The following PHIP variants were observed in gnomAD, a reference collection of about 807,000 sequenced individuals.
PHIP encodes the protein PHIP subunit of CUL4-Ring ligase complex.
A neutral mutation model predicts 236.8 loss-of-function variants in PHIP; 54 were observed. The ratio of observed to expected loss-of-function variants is 0.23; its 90% CI spans 0.18 to 0.29. The LOEUF is 0.29. Ranked by LOEUF, PHIP falls within the 10% of genes least tolerant of loss-of-function variation. The pLI, the probability that PHIP is intolerant of heterozygous loss-of-function variation, is 1.00. For synonymous variants in PHIP, 756 were observed against 718.9 expected (o/e 1.05, Z -0.83); for missense variants, 1,370 against 2,190.8 (o/e 0.63, Z 7.48).
intron 6 of PHIP, among the ~76,000 whole-genome samples, chr6:79,057,430 G>A (rs1048813853): frequency 2.0e-5 from 3 of 152,010 alleles, no homozygotes; most frequent in Non-Finnish European, 2.9e-5. Flanking sequence ...TAACATTTGG[G>A]GAAACTGCAT....
At chr6:78,944,747 A>C (rs542205088) in intron 39 of PHIP, among the ~76,000 whole-genome samples, 222 of 152,336 alleles carry the variant, frequency 1.5e-3, no homozygotes, top group Middle Eastern at 3.4e-3. Flanking sequence ...GTCATGATGC[A>C]AAATGCTTAT....
intron 15 of PHIP, among the ~76,000 whole-genome samples, chr6:79,012,761 G>T (rs1256290276): frequency 6.6e-6 from 1 of 151,616 alleles, no homozygotes; most frequent in East Asian, 1.9e-4. Context: ...TTTCTTAATA[G>T]CAATGCTGGA....
chr6:78,973,301 A>C (rs1767755738), intron 24 of PHIP, among the ~76,000 whole-genome samples: 1 of 151,284 alleles, frequency 6.6e-6, no homozygotes, highest in Non-Finnish European at 1.5e-5. Flanking sequence ...AAGGAGAAAT[A>C]AAATACTTTA....
At chr6:78,994,301 G>A (rs1769469164) in intron 19 of PHIP, among the ~76,000 whole-genome samples, 1 of 152,224 alleles carries the variant, frequency 6.6e-6, no homozygotes, top group Non-Finnish European at 1.5e-5. Flanking sequence ...AACTTGGCCA[G>A]GCGCGGTGGC....
intron 9 of PHIP, 104 bp downstream of exon 9, chr6:79,025,415 A>G (rs889565476): frequency 3.2e-5 from 21 of 648,536 alleles, no homozygotes; most frequent in Non-Finnish European, 5.5e-5. Context: ...TATTTACTCA[A>G]GGAGAAAAAG....
chr6:78,975,819 G>A (rs888258997), intron 24 of PHIP, among the ~76,000 whole-genome samples: 34 of 150,106 alleles, frequency 2.3e-4, no homozygotes, highest in African/African-American at 8.3e-4. Flanking sequence ...ACTTACAAGG[G>A]ATGTGAAGGA....
chr6:78,986,915 G>A (rs1768901294), intron 21 of PHIP, among the ~76,000 whole-genome samples: 1 of 150,460 alleles, frequency 6.6e-6, no homozygotes, highest in Admixed American at 6.7e-5. Flanking sequence ...CACATTTTGT[G>A]TGTTACTTCC....
At chr6:78,965,815 A>T in intron 28 of PHIP, 51 bp from the exon 29 acceptor site, 7 of 1,208,638 alleles carry the variant, frequency 5.8e-6, no homozygotes, top group Non-Finnish European at 8.4e-6. Context: ...ATTGTATCAC[A>T]ATTTTAATAA....
At position 78,935,180 on chromosome 6, in the gene PHIP, T is replaced by C. The variant is rs1773224264; in HGVS notation, c.*5513A>G. ...ATACTAGGTATTGTTATTAGCAGACTTCATAAAGAAAAGGTTATCAGGAAT... is the reference window on the plus strand; with the variant it reads ...ATACTAGGTATTGTTATTAGCAGACCTCATAAAGAAAAGGTTATCAGGAAT... On this transcript the variant is annotated 3_prime_UTR_variant, in exon 40 of 40. Transcript: ENST00000275034. Among the ~76,000 whole-genome samples the C allele has an allele frequency of 6.6e-6, 1 of 152,162 alleles. No homozygotes were observed. The highest frequency in any genetic ancestry group is 2.4e-5 in the African/African-American group (1 of 41,422).
rs114843300 is a variant in PHIP, at chr6:78,978,259, A to C, written c.2889+333T>G. On this transcript the variant is annotated intron_variant, in intron 24 of 39. Coordinates refer to ENST00000275034, the MANE Select transcript of PHIP (RefSeq NM_017934.7). ...AATTGCTAAATTTCATTTTTCCTTT[A>C]ACATGTTATACATTAAGCCTTAAGA... Among the ~76,000 whole-genome samples, 1,309 of 152,228 alleles carry C rather than the reference A, an allele frequency of 8.6e-3. 22 individuals carry two copies. The highest frequency in any genetic ancestry group is 0.029 in the African/African-American group (1,219 of 41,574).
chr6:78,963,084 T>C lies in PHIP; in HGVS notation c.3535+13A>G, dbSNP rs1290765857. ...TGCCAGTTTTTTCTATACTCGCGTG[T>C]TGCTTTACTTACCTAGTGTCATCAA... On this transcript the variant is annotated intron_variant, in intron 30 of 39. Coordinates refer to ENST00000275034, the MANE Select transcript of PHIP (RefSeq NM_017934.7). The C allele has an allele frequency of 4.5e-6, 7 of 1,570,696 alleles. No homozygotes were observed. The highest frequency in any genetic ancestry group is 4.3e-6 in the Non-Finnish European group (5 of 1,161,986).
At position 78,954,389 on chromosome 6, in the gene PHIP, A is replaced by G. The variant is rs566010767; in HGVS notation, c.4053+425T>C. On this transcript the variant is annotated intron_variant, in intron 35 of 39. Transcript: ENST00000275034. Reference sequence around the variant, plus strand: ...CCAAAGTGCTGGGATTACTGGCATGAGCCACCGTGCCCAGCCTAAAAACTA... The same window carrying G: ...CCAAAGTGCTGGGATTACTGGCATGGGCCACCGTGCCCAGCCTAAAAACTA... 5.9e-5 allele frequency among the ~76,000 whole-genome samples: 9 copies of G among 152,256 alleles called. No homozygotes were observed. The South Asian group carries it at 1.2e-3, about 21-fold the overall frequency.
rs141875737 is a variant in PHIP at position 78,944,328 on chromosome 6, C to T, written c.4828+972G>A. ...CAAGGAAGTGTTTTCTCTGTGTGTA[C>T]GTACACACATCCACATGTGCTAGAG... On this transcript the variant is annotated intron_variant, in intron 39 of 39. Coordinates refer to ENST00000275034, the MANE Select transcript of PHIP (RefSeq NM_017934.7). 2.0e-4 allele frequency among the ~76,000 whole-genome samples: 31 copies of T among 152,214 alleles called. No homozygotes were observed. The East Asian group carries it at 5.4e-3, about 27-fold the overall frequency.
chr6:79,051,133 C>T (rs959378370), intron 6 of PHIP, among the ~76,000 whole-genome samples: 1 of 152,074 alleles, frequency 6.6e-6, no homozygotes, highest in Non-Finnish European at 1.5e-5. Context: ...GTAATGACAA[C>T]CAAATACTCA....
chr6:79,046,557 TAACA>T (rs1772495958), intron 6 of PHIP, among the ~76,000 whole-genome samples: 1 of 152,142 alleles, frequency 6.6e-6, no homozygotes, highest in Admixed American at 6.6e-5. Flanking sequence ...GTTGGTGAAT[TAACA>T]AATAAATTAC....
intron 4 of PHIP, among the ~76,000 whole-genome samples, chr6:79,065,444 T>C (rs1222878989): frequency 6.6e-6 from 1 of 152,120 alleles, no homozygotes; most frequent in Non-Finnish European, 1.5e-5. Flanking sequence ...CACATGGCCT[T>C]CTTTCAGGTT....
chr6:79,017,145 T>C (rs1210747191), intron 12 of PHIP, among the ~76,000 whole-genome samples: 2 of 151,980 alleles, frequency 1.3e-5, no homozygotes. Flanking sequence ...TTACTAAAAG[T>C]GTCCAAGTAT....
chr6:79,044,202 T>A (rs979252181), intron 6 of PHIP, among the ~76,000 whole-genome samples: 1 of 152,128 alleles, frequency 6.6e-6, no homozygotes, highest in Non-Finnish European at 1.5e-5. Context: ...TATGCTTATA[T>A]GTTCTTTCAT....
At chr6:78,981,438 C>T (rs1295871689) in intron 23 of PHIP, among the ~76,000 whole-genome samples, 1 of 152,004 alleles carries the variant, frequency 6.6e-6, no homozygotes, top group East Asian at 1.9e-4. Context: ...CCTAACCTTA[C>T]CATATTTAAA....
Sources: gnomAD v4.1 joint callset for allele counts (sites outside exome capture counted in the v4.1 genomes callset) on GRCh38, gnomAD v4.1.1 for gene constraint, MANE v1.5 for transcripts, NCBI Gene and HGNC (gene_info 2026-07-23, HGNC 2026-07-21) for gene names.